Variants in VRK2 observed in about 807,000 individuals in gnomAD.
VRK2 encodes serine/threonine-protein kinase VRK2.
In VRK2, 60 loss-of-function variants were observed where a neutral mutation model predicts 57.6. The ratio of observed to expected loss-of-function variants is 1.04; its 90% CI spans 0.85 to 1.29. VRK2 has a LOEUF of 1.29. Among genes scored for constraint, VRK2 ranks in the 50% most tolerant of loss-of-function variants. The probability of loss-of-function intolerance (pLI) is 0.00; values close to 1 mark genes in which losing one functional copy is unlikely to be tolerated. For missense variants in VRK2, 705 were observed against 588.1 expected, an observed-to-expected ratio of 1.20 and a Z score of -2.06; for synonymous variants, 231 against 199.2, an observed-to-expected ratio of 1.16 and a Z score of -1.35.
chr2:58,147,820 A>G (rs1682396396), intron 12 of VRK2, among the ~76,000 whole-genome samples: 1 of 132,734 alleles, frequency 7.5e-6, no homozygotes, highest in South Asian at 2.3e-4. Flanking sequence ...TTTTTTTGAG[A>G]TTTATCCATG....
At chr2:58,119,604 T>C (rs1294202780) in intron 7 of VRK2, among the ~76,000 whole-genome samples, 4 of 151,738 alleles carry the variant, frequency 2.6e-5, no homozygotes, top group African/African-American at 9.7e-5. Context: ...GTGACTTGAC[T>C]TCTTCTTATG....
chr2:58,007,042 T>C (rs576208941), intron 1 of VRK2, among the ~76,000 whole-genome samples: 19 of 152,056 alleles, frequency 1.2e-4, no homozygotes, highest in Non-Finnish European at 2.1e-4. Context: ...CCAAAGACCT[T>C]TGGACTTTGA....
intron 7 of VRK2, among the ~76,000 whole-genome samples, chr2:58,105,924 C>T (rs746514394): frequency 3.3e-5 from 5 of 151,782 alleles, no homozygotes; most frequent in Non-Finnish European, 7.4e-5. Flanking sequence ...TATAATATAC[C>T]AATGACAGTC....
At chr2:58,100,083 G>A (rs1673739435) in intron 7 of VRK2, among the ~76,000 whole-genome samples, 1 of 151,946 alleles carries the variant, frequency 6.6e-6, no homozygotes, top group Non-Finnish European at 1.5e-5. Flanking sequence ...TGTATCTGGT[G>A]GCAAAATACT....
intron 2 of VRK2, among the ~76,000 whole-genome samples, chr2:58,075,596 G>A (rs1558600902): frequency 6.6e-6 from 1 of 152,072 alleles, no homozygotes; most frequent in Admixed American, 6.6e-5. Flanking sequence ...GTACAAGATG[G>A]TATCTTGTGT....
upstream of VRK2, among the ~76,000 whole-genome samples, chr2:58,044,782 AAG>A (rs1674612247): frequency 6.6e-6 from 1 of 152,194 alleles, no homozygotes; most frequent in Non-Finnish European, 1.5e-5. Flanking sequence ...ACTGTGGTTG[AAG>A]AGAGTAATAG....
chr2:58,145,447 TTTAA>T (rs1379840814), intron 11 of VRK2, among the ~76,000 whole-genome samples: 1 of 151,924 alleles, frequency 6.6e-6, no homozygotes, highest in Non-Finnish European at 1.5e-5. Flanking sequence ...AAACTAAGAT[TTTAA>T]TTAATAAGAA....
chr2:57,953,945 T>C (rs1321385988), intron 1 of VRK2, among the ~76,000 whole-genome samples: 1 of 152,184 alleles, frequency 6.6e-6, no homozygotes, highest in Non-Finnish European at 1.5e-5. Context: ...GATAACAGCT[T>C]GAATTCGGTC....
intron 10 of VRK2, among the ~76,000 whole-genome samples, chr2:58,136,920 A>ATATTATATATCATATATG (rs1553421800): frequency 8.9e-6 from 1 of 112,330 alleles, no homozygotes; most frequent in African/African-American, 4.0e-5. Context: ...TATATCATAT[A>ATATTATATATCATATATG]TGTGTATATA....
At chr2:58,113,455 G>C (rs1474111757) in intron 7 of VRK2, among the ~76,000 whole-genome samples, 2 of 152,136 alleles carry the variant, frequency 1.3e-5, no homozygotes, top group Admixed American at 1.3e-4. Context: ...CGTGTGAAGA[G>C]ACCACCAAAC....
At chr2:57,989,858 T>C (rs138924217) in intron 1 of VRK2, among the ~76,000 whole-genome samples, 1,669 of 152,312 alleles carry the variant, frequency 0.011, 10 homozygotes, top group Non-Finnish European at 0.016. Context: ...TAATAATGAA[T>C]GGCCAAAGGA....
At chr2:58,041,545 T>C (rs1467710718) in intron 3 of VRK2, among the ~76,000 whole-genome samples, 2 of 152,102 alleles carry the variant, frequency 1.3e-5, no homozygotes, top group Admixed American at 1.3e-4. Context: ...ACATGACAGA[T>C]ACCAGGCCCT....
At chr2:58,019,899 C>G (rs1228043856) in intron 1 of VRK2, among the ~76,000 whole-genome samples, 1 of 152,036 alleles carries the variant, frequency 6.6e-6, no homozygotes, top group Non-Finnish European at 1.5e-5. Flanking sequence ...AAGGCGAATA[C>G]AAATACACAT....
chr2:58,018,226 C>A (rs1236534006), intron 1 of VRK2: 1 of 152,164 alleles, frequency 6.6e-6, no homozygotes, highest in Non-Finnish European at 1.5e-5. Context: ...CTCTTGACCT[C>A]AGGTGATCCA....
At chr2:58,135,079 C>G in intron 9 of VRK2, 62 bp from the exon 10 acceptor site, 2 of 1,576,772 alleles carry the variant, frequency 1.3e-6, no homozygotes, top group Non-Finnish European at 1.7e-6. Flanking sequence ...GTTTTGTTTT[C>G]TAGTCAAAAT....
Position 58,139,720 on chromosome 2 carries a change from C to T in VRK2, c.911C>T (p.Pro304Leu), listed in dbSNP as rs1681043724. The T allele has an allele frequency of 6.2e-7, 1 of 1,613,030 alleles. No homozygotes were observed. Among genetic ancestry groups the T allele is most frequent in the Non-Finnish European group, 8.5e-7 (1 of 1,179,366 alleles). The change falls in exon 11 of 13, where the codon CCA (proline) becomes CTA (leucine). Residue 304 changes from proline to leucine, a missense_variant. Pro to Leu is a moderately conservative substitution (Grantham distance 98, BLOSUM62 -3). Transcript: ENST00000340157. Reference protein sequence around the residue: ...CAHSLAYDEKPNYQALKKILN... With the variant: ...CAHSLAYDEKLNYQALKKILN... ...CATAGTTTAGCATATGATGAAAAGC[C>T]AAACTATCAAGCCCTCAAGAAAATT...
intron 12 of VRK2, among the ~76,000 whole-genome samples, chr2:58,154,536 T>C (rs895115779): frequency 1.3e-5 from 2 of 152,056 alleles, no homozygotes; most frequent in African/African-American, 4.8e-5. Context: ...AGTACAAATA[T>C]TTAGTATTAT....
intron 7 of VRK2, among the ~76,000 whole-genome samples, chr2:58,107,994 C>G (rs999708098): frequency 3.0e-4 from 45 of 152,122 alleles, no homozygotes; most frequent in African/African-American, 1.0e-3. Flanking sequence ...GAAAGAGGCC[C>G]TTTACGTCTT....
chr2:57,990,854 T>TAC (rs34097486), intron 1 of VRK2, among the ~76,000 whole-genome samples: 1,919 of 148,776 alleles, frequency 0.013, 20 homozygotes, highest in South Asian at 0.038. Context: ...CACACAGACA[T>TAC]ACACACACAC....
Sources: allele counts gnomAD v4.1 joint callset (sites outside exome capture counted in the v4.1 genomes callset), GRCh38; gene constraint gnomAD v4.1.1; transcripts MANE v1.5; gene names NCBI Gene and HGNC (gene_info 2026-07-23, HGNC 2026-07-21).